The following SDCBP2 variants were observed in gnomAD, a reference collection of about 807,000 sequenced individuals.
SDCBP2 encodes the protein syntenin-2.
Under a neutral mutation model 30.7 loss-of-function variants are expected in SDCBP2, and 28 were observed. The observed-to-expected ratio is 0.91, with a 90% CI of 0.68 to 1.25. The LOEUF (loss-of-function observed/expected upper bound fraction) is 1.25, where lower values mean the gene tolerates loss of function less well. Among genes scored for constraint, SDCBP2 ranks in the 50% most tolerant of loss-of-function variants. The pLI is 0.00. For missense variants in SDCBP2, 399 were observed against 379.0 expected (o/e 1.05, Z -0.44); for synonymous variants, 166 against 157.3 (o/e 1.06, Z -0.41).
Position 1,319,641 on chromosome 20 carries a change from G to C in SDCBP2, c.73C>G (p.Pro25Ala). 6.4e-7 allele frequency: 1 copy of C among 1,568,468 alleles called. No individual in the cohort carries two copies. Among genetic ancestry groups the C allele is most frequent in the Non-Finnish European group, 8.6e-7 (1 of 1,156,130 alleles). The change falls in exon 3 of 9, where the codon CCC (proline) becomes GCC (alanine). Residue 25 changes from proline to alanine, a missense_variant. Physicochemically the swap from Pro to Ala is conservative, Grantham distance 27. Transcript: ENST00000360779. ...TGGACTGGCAGGGCTGGCATCTTGG[G>C]TGAGGCTCTGACCTGGGCCTGGGGA... ...QAIQAQVRASPKMPALPVQAT... is the reference protein window; with the variant it reads ...QAIQAQVRASAKMPALPVQAT...
At chr20:1,310,696 A>G in intron 8 of SDCBP2, 104 bp downstream of exon 8, 1 of 1,109,782 alleles carries the variant, frequency 9.0e-7, no homozygotes, top group Non-Finnish European at 1.3e-6. Flanking sequence ...CTGTGTCAGC[A>G]CTGAGAAAGT....
Position 1,310,362 on chromosome 20 carries a change from A to C in SDCBP2, c.*79T>G. ...CCACCTTAAGCAGCAGGCCGGCTGC[A>C]ACCCATCATCCGAGGGTGGTTGCCC... On this transcript the variant is annotated 3_prime_UTR_variant, in exon 9 of 9. Coordinates refer to ENST00000360779, the MANE Select transcript of SDCBP2 (RefSeq NM_080489.5). 1 of 1,461,082 alleles carries C rather than the reference A, an allele frequency of 6.8e-7. No homozygotes were observed. The highest frequency in any genetic ancestry group is 9.5e-7 in the Non-Finnish European group (1 of 1,048,480). The allele number at this position is 1,461,082 out of a possible 1,614,324, so 90.5% of individuals were successfully genotyped here. A position where few individuals can be genotyped will look rare whatever the true frequency, so the allele number is the denominator to read the frequency against.
chr20:1,318,198 T>G, intron 4 of SDCBP2, 120 bp downstream of exon 4: 1 of 751,940 alleles, frequency 1.3e-6, no homozygotes, highest in South Asian at 1.4e-5. Flanking sequence ...GCCAGCAGAG[T>G]GCTGGGGAGA....
intron 3 of SDCBP2, among the ~76,000 whole-genome samples, chr20:1,318,823 T>G (rs1037240628): frequency 1.3e-5 from 2 of 152,136 alleles, no homozygotes; most frequent in African/African-American, 4.8e-5. Flanking sequence ...TCGTTTTCTC[T>G]CTCTCTTTTA....
At chr20:1,327,062 G>A (rs1486607030) in intron 1 of SDCBP2, among the ~76,000 whole-genome samples, 1 of 152,212 alleles carries the variant, frequency 6.6e-6, no homozygotes. Context: ...GACAGTGGAA[G>A]TTTGCTCAGT....
At chr20:1,323,833 TA>T (rs2088881336) in intron 1 of SDCBP2, 1 of 152,108 alleles carries the variant, frequency 6.6e-6, no homozygotes, top group East Asian at 1.9e-4. Flanking sequence ...TTGTTTTTTT[TA>T]ATTTTTATTT....
At chr20:1,314,339 T>G (rs2088735809) in intron 4 of SDCBP2, among the ~76,000 whole-genome samples, 1 of 148,524 alleles carries the variant, frequency 6.7e-6, no homozygotes, top group Non-Finnish European at 1.5e-5. Context: ...AATACAAAAA[T>G]TGGCTGGGCT....
rs2088844782 is a variant in SDCBP2, at chr20:1,321,081, A to C, written c.-19-646T>G. ...GACACGCCTCCCCTGGCTCCCAGGC[A>C]ATACGGTCACTGCCCCTCCCACCCA... is the stretch of plus-strand genomic sequence containing the variant. On this transcript the variant is annotated intron_variant, in intron 1 of 8. Transcript: ENST00000360779. This position sits in a 1 kb window ranked among gnomAD's most constrained non-coding sequence, Gnocchi z 5.2. 6.6e-6 allele frequency: 1 copy of C among 152,458 alleles called. No homozygotes were observed. The highest frequency in any genetic ancestry group is 2.4e-5 in the African/African-American group (1 of 41,398). 9.4% of individuals were successfully genotyped at this position (152,458 alleles called of 1,614,324 possible).
At position 1,320,435 on chromosome 20, in the gene SDCBP2, C is replaced by G. The variant is rs770309895; in HGVS notation, c.-19G>C. The G allele has an allele frequency of 1.9e-6, 3 of 1,612,158 alleles. No homozygotes were observed. Among genetic ancestry groups the G allele is most frequent in the Non-Finnish European group, 2.5e-6 (3 of 1,178,740 alleles). On this transcript the variant is annotated splice_region_variant and 5_prime_UTR_variant, in exon 2 of 9. Coordinates refer to ENST00000360779, the MANE Select transcript of SDCBP2 (RefSeq NM_080489.5). The surrounding 1 kb of genome is among the most constrained non-coding windows in gnomAD (Gnocchi z 4.7). ...ATGACATGGCTGATTCTCAGAACAC[C>G]CTGCAGAGTGCAGAGGGTGGGGAAG...
At chr20:1,314,817 C>A (rs1207566908) in intron 4 of SDCBP2, among the ~76,000 whole-genome samples, 1 of 152,054 alleles carries the variant, frequency 6.6e-6, no homozygotes, top group Non-Finnish European at 1.5e-5. Context: ...CATACAGGAA[C>A]CGTATGCTGA....
intron 4 of SDCBP2, among the ~76,000 whole-genome samples, chr20:1,317,336 A>G (rs374795543): frequency 8.5e-4 from 130 of 152,364 alleles, no homozygotes; most frequent in African/African-American, 3.0e-3. Flanking sequence ...CTCACTTTGC[A>G]TCTTCCTGGG....
rs1035141397 is a variant in SDCBP2, at chr20:1,310,331, C to G, written c.*110G>C. On this transcript the variant is annotated 3_prime_UTR_variant, in exon 9 of 9. Coordinates refer to ENST00000360779, the MANE Select transcript of SDCBP2 (RefSeq NM_080489.5). ...CCTCCTGGACACGCCCCCCTCATGG[C>G]AGCCCCCACCTTAAGCAGCAGGCCG... 3 of 1,146,514 alleles carry G rather than the reference C, an allele frequency of 2.6e-6. No individual in the cohort carries two copies. In the African/African-American group the frequency reaches 4.6e-5, roughly 17 times the overall value. 71.0% of individuals were successfully genotyped at this position (1,146,514 alleles called of 1,614,324 possible).
At chr20:1,318,280 G>A in intron 4 of SDCBP2, 38 bp downstream of exon 4, 1 of 1,377,942 alleles carries the variant, frequency 7.3e-7, no homozygotes, top group Non-Finnish European at 1.0e-6. Flanking sequence ...AGGATTGGGA[G>A]GTTCTGCGCC....
chr20:1,310,636 G>C, intron 8 of SDCBP2, 141 bp from the exon 9 acceptor site: 1 of 1,024,068 alleles, frequency 9.8e-7, no homozygotes, highest in Non-Finnish European at 1.5e-6. Flanking sequence ...GAAGCCACAA[G>C]CTACCTTGGA....
At position 1,320,785 on chromosome 20, in the gene SDCBP2, G is replaced by A. The variant is rs149382393; in HGVS notation, c.-19-350C>T. 4.5e-5 allele frequency: 8 copies of A among 177,950 alleles called. No homozygotes were observed. Among genetic ancestry groups the A allele is most frequent in the African/African-American group, 1.7e-4 (7 of 42,412 alleles). 11.0% of individuals were successfully genotyped at this position (177,950 alleles called of 1,614,324 possible). A position where few individuals can be genotyped will look rare whatever the true frequency, so the allele number is the denominator to read the frequency against. ...AATGGGGGGTGGAGAGGCACCATGA[G>A]CACTTATTTACTAAACACCTTCTCA... is the stretch of plus-strand genomic sequence containing the variant. On this transcript the variant is annotated intron_variant, in intron 1 of 8. Coordinates refer to ENST00000360779, the MANE Select transcript of SDCBP2 (RefSeq NM_080489.5). This position sits in a 1 kb window ranked among gnomAD's most constrained non-coding sequence, Gnocchi z 4.7.
intron 1 of SDCBP2, among the ~76,000 whole-genome samples, chr20:1,327,585 G>A (rs537468234): frequency 4.1e-4 from 62 of 152,328 alleles, no homozygotes; most frequent in African/African-American, 1.4e-3. Context: ...AAGCAGACAC[G>A]CCTGAACCCA....
chr20:1,313,177 C>T lies in SDCBP2; in HGVS notation c.384+163G>A. 2.6e-6 allele frequency: 2 copies of T among 760,844 alleles called. No homozygotes were observed. The highest frequency in any genetic ancestry group is 4.3e-6 in the Non-Finnish European group (2 of 468,378). The allele number at this position is 760,844 out of a possible 1,614,324, so 47.1% of individuals were successfully genotyped here. ...CTGCGCAACCCAGCACCAGCCCCGC[C>T]CGGGTCTCGGGGAGGAGGGACTGGG... On this transcript the variant is annotated intron_variant, in intron 5 of 8. Coordinates refer to ENST00000360779, the MANE Select transcript of SDCBP2 (RefSeq NM_080489.5). This position sits in a 1 kb window ranked among gnomAD's most constrained non-coding sequence, Gnocchi z 5.2.
In SDCBP2 at chr20:1,313,366, C is replaced by T; in HGVS notation, c.358G>A (p.Gly120Arg). 2 of 1,611,682 alleles carry T rather than the reference C, an allele frequency of 1.2e-6. No individual in the cohort carries two copies. Among genetic ancestry groups the T allele is most frequent in the Non-Finnish European group, 1.7e-6 (2 of 1,179,590 alleles). The stretch of plus-strand genomic sequence containing the variant: ...TGGTCGACCTTCCGCAGCCTCAGCC[C>T]GGTCTTGCCGCGCTCGTCCTTGCAC... ...HLCKDERGKT[G>R]LRLRKVDQGL... The change falls in exon 5 of 9, where the codon GGG (glycine) becomes AGG (arginine). Residue 120 changes from glycine (G) to arginine (R), a missense_variant. Transcript: ENST00000360779. This position sits in a 1 kb window ranked among gnomAD's most constrained non-coding sequence, Gnocchi z 5.2.
At chr20:1,322,083 A>G (rs4319993) in intron 1 of SDCBP2, 59,040 of 151,680 alleles carry the variant, frequency 0.39, 12,375 homozygotes, top group East Asian at 0.67. Context: ...GCTACTTTCA[A>G]CTCCAGCCAC....
Sources: gnomAD v4.1 joint callset for allele counts (sites outside exome capture counted in the v4.1 genomes callset) on GRCh38, gnomAD v4.1.1 for gene constraint, Gnocchi (gnomAD v3.1) non-coding constraint, MANE v1.5 for transcripts, NCBI Gene and HGNC (gene_info 2026-07-23, HGNC 2026-07-21) for gene names.